Variants in EIF3B observed in about 807,000 individuals in gnomAD.
EIF3B encodes eukaryotic translation initiation factor 3 subunit B.
Under a neutral mutation model 104.6 loss-of-function variants are expected in EIF3B, and 10 were observed. The observed-to-expected ratio is 0.10, with a 90% CI of 0.06 to 0.16. The LOEUF (loss-of-function observed/expected upper bound fraction) is 0.16. Among genes scored for constraint, EIF3B ranks in the 10% least tolerant of loss-of-function variants. The pLI, the probability that EIF3B is intolerant of heterozygous loss-of-function variation, is 1.00. For missense variants in EIF3B, 1,014 were observed against 1,087.9 expected, an observed-to-expected ratio of 0.93 and a Z score of 0.96; for synonymous variants, 542 against 417.2, an observed-to-expected ratio of 1.30 and a Z score of -3.65.
intron 1 of EIF3B, 48 bp downstream of exon 1, chr7:2,355,468 G>A: frequency 7.1e-7 from 1 of 1,402,684 alleles, no homozygotes; most frequent in Non-Finnish European, 9.3e-7. Context: ...GAGCGTGGCT[G>A]GGGTTCCCGA....
At position 2,367,472 on chromosome 7, in the gene EIF3B, G is replaced by A. The variant is rs1362462841; in HGVS notation, c.1403+427G>A. On this transcript the variant is annotated intron_variant, in intron 9 of 18. Transcript: ENST00000360876. ...TTTGCTGTCTCTCCTTTAGCACTCA[G>A]CTTTTTGTTGTTGTTGTTAGAGACA... Among the ~76,000 whole-genome samples, 3 of 152,124 alleles carry A rather than the reference G, an allele frequency of 2.0e-5. No individual in the cohort carries two copies. In the East Asian group the frequency reaches 5.8e-4, roughly 29 times the overall value.
rs2301944 is a variant in EIF3B, at chr7:2,369,400, C to T, written c.1404-72C>T. The T allele has an allele frequency of 0.74, 1,119,205 of 1,508,332 alleles. 418,576 individuals carry two copies. Among genetic ancestry groups the T allele is most frequent in the East Asian group, 0.91 (40,518 of 44,394 alleles). The allele number at this position is 1,508,332 out of a possible 1,614,324, so 93.4% of individuals were successfully genotyped here. On this transcript the variant is annotated intron_variant, in intron 9 of 18. Coordinates refer to ENST00000360876, the MANE Select transcript of EIF3B (RefSeq NM_001037283.2). ...GCTTCTATATAGCAAATGAGTTGTTCTATTCTCTTCTGCTTTTCAGTTTCG... is the reference window on the plus strand; with the variant it reads ...GCTTCTATATAGCAAATGAGTTGTTTTATTCTCTTCTGCTTTTCAGTTTCG...
Position 2,367,052 on chromosome 7 carries a change from ATTC to A in EIF3B, c.1403+10_1403+12del. The A allele has an allele frequency of 6.2e-7, 1 of 1,607,706 alleles. No individual in the cohort carries two copies. The highest frequency in any genetic ancestry group is 8.5e-7 in the Non-Finnish European group (1 of 1,176,964). On this transcript the variant is annotated splice_region_variant and intron_variant, in intron 9 of 18. Coordinates refer to ENST00000360876, the MANE Select transcript of EIF3B (RefSeq NM_001037283.2). ...TGAAGATCTCTGGGATAAAGTGAGT[ATTC>A]TTATCAGTTTGGTGTCTTAGTGTGT...
In EIF3B at chr7:2,356,837, C is replaced by T. The variant is rs139497380; in HGVS notation, c.499+1417C>T. Among the ~76,000 whole-genome samples the T allele has an allele frequency of 3.0e-3, 451 of 151,966 alleles. 2 individuals are homozygous for T. The highest frequency in any genetic ancestry group is 8.1e-3 in the African/African-American group (336 of 41,398). On this transcript the variant is annotated intron_variant, in intron 1 of 18. Transcript: ENST00000360876. ...ATAAAAACGCTGTCAGTTACTGTGA[C>T]CATTACTATATTACACTTTTTTTTT...
chr7:2,367,925 T>C (rs1457160343), intron 9 of EIF3B, among the ~76,000 whole-genome samples: 1 of 138,578 alleles, frequency 7.2e-6, no homozygotes, highest in Non-Finnish European at 1.5e-5. Flanking sequence ...CACTGCAATT[T>C]CCACCTCCTG....
chr7:2,379,706 C>G, intron 18 of EIF3B, 195 bp downstream of exon 18: 1 of 568,724 alleles, frequency 1.8e-6, no homozygotes, highest in Non-Finnish European at 3.2e-6. Context: ...GCCCTCTGAC[C>G]ACATTGCAGA....
chr7:2,358,921 T>TA (rs1470759149), intron 1 of EIF3B, among the ~76,000 whole-genome samples: 1 of 152,126 alleles, frequency 6.6e-6, no homozygotes, highest in Non-Finnish European at 1.5e-5. Flanking sequence ...AAGAAAAAAA[T>TA]ACTGTTATTT....
intron 12 of EIF3B, chr7:2,373,314 C>T (rs553079373): frequency 6.5e-6 from 1 of 153,114 alleles, no homozygotes; most frequent in African/African-American, 2.4e-5. Flanking sequence ...GCCCTCAGCT[C>T]CTCACTTCAT....
At chr7:2,362,544 C>T (rs751592608) in intron 2 of EIF3B, 101 bp from the exon 3 acceptor site, 10 of 1,458,740 alleles carry the variant, frequency 6.9e-6, no homozygotes, top group Admixed American at 1.8e-5. Context: ...CACAGATACT[C>T]CTGGCACCGA....
In EIF3B at chr7:2,363,621, T is replaced by C. The variant is rs777715896; in HGVS notation, c.871-11T>C. 1 of 1,593,046 alleles carries C rather than the reference T, an allele frequency of 6.3e-7. No individual in the cohort carries two copies. Among genetic ancestry groups the C allele is most frequent in the South Asian group, 1.2e-5 (1 of 86,918 alleles). On this transcript the variant is annotated splice_polypyrimidine_tract_variant and intron_variant, in intron 4 of 18. Transcript: ENST00000360876. The stretch of plus-strand genomic sequence containing the variant: ...TAATGAAATGTTATATTCCTTGTCT[T>C]TGTTTTTAAGGGGAACTTACGTTAC...
chr7:2,378,758 G>T lies in EIF3B; in HGVS notation c.2224G>T (p.Ala742Ser). The T allele has an allele frequency of 6.2e-7, 1 of 1,613,770 alleles. No homozygotes were observed. The highest frequency in any genetic ancestry group is 8.5e-7 in the Non-Finnish European group (1 of 1,179,784). Reference sequence around the variant, plus strand: ...GAAGGATCGTTTGAGTCAGTCCAAAGCCTCAAAGGTGAGCCTCATTCCCAA... The same window carrying T: ...GAAGGATCGTTTGAGTCAGTCCAAATCCTCAAAGGTGAGCCTCATTCCCAA... ...EQKDRLSQSK[A>S]SKELVERRRT... Residue 742 changes from alanine to serine, a missense_variant, in exon 16 of 19, where the codon GCC (alanine) becomes TCC (serine). Ala to Ser is a moderately conservative substitution (Grantham distance 99). This residue lies in a region of EIF3B where 266 missense variants were observed against 324.0 expected (regional missense o/e 0.82). Transcript: ENST00000360876.
chr7:2,360,648 C>T (rs1779678494), intron 1 of EIF3B, 62 bp from the exon 2 acceptor site: 7 of 1,340,592 alleles, frequency 5.2e-6, no homozygotes, highest in Non-Finnish European at 6.2e-6. Flanking sequence ...TTAGTGTGCT[C>T]AGTTAATGTA....
In EIF3B at chr7:2,355,174, T is replaced by A; in HGVS notation, c.253T>A (p.Ser85Thr). ...EAASGPSESP[S>T]PPAAEELPGS... is the part of the protein sequence containing the mutation. Reference sequence around the variant, plus strand: ...GGCCTCCGGCCCGTCCGAGTCGCCCTCGCCGCCGGCCGCCGAGGAGCTGCC... The same window carrying A: ...GGCCTCCGGCCCGTCCGAGTCGCCCACGCCGCCGGCCGCCGAGGAGCTGCC... The change falls in exon 1 of 19, where the codon TCG becomes ACG. Residue 85 changes from serine to threonine, a missense_variant. Around this residue, in one of 4 missense-constraint regions of EIF3B, gnomAD observed 488 missense variants for 404.3 expected, o/e 1.21. Coordinates refer to ENST00000360876, the MANE Select transcript of EIF3B (RefSeq NM_001037283.2). The A allele has an allele frequency of 6.8e-7, 1 of 1,461,896 alleles. No individual in the cohort carries two copies. The highest frequency in any genetic ancestry group is 9.0e-7 in the Non-Finnish European group (1 of 1,116,456). 90.6% of individuals were successfully genotyped at this position (1,461,896 alleles called of 1,614,324 possible).
chr7:2,374,046 C>T (rs537465406), intron 12 of EIF3B: 2 of 153,234 alleles, frequency 1.3e-5, no homozygotes, highest in South Asian at 4.1e-4. Flanking sequence ...CCCAGCTGGC[C>T]TTCACTTCTC....
Position 2,380,687 on chromosome 7 carries a change from T to C in EIF3B, c.*498T>C. On this transcript the variant is annotated 3_prime_UTR_variant, in exon 19 of 19. Transcript: ENST00000360876. ...ATGCCTTGTACCCCCACCGTGCAGG[T>C]TGTGGCCGGTTTTCTCCGCAGGTTG... 5.7e-6 allele frequency: 1 copy of C among 176,770 alleles called. No homozygotes were observed. The highest frequency in any genetic ancestry group is 1.2e-5 in the Non-Finnish European group (1 of 81,906). The allele number at this position is 176,770 out of a possible 1,614,324, so 11.0% of individuals were successfully genotyped here. A position where few individuals can be genotyped will look rare whatever the true frequency, so the allele number is the denominator to read the frequency against.
At chr7:2,371,266 G>C (rs556095572) in intron 10 of EIF3B, among the ~76,000 whole-genome samples, 46 of 152,338 alleles carry the variant, frequency 3.0e-4, no homozygotes, top group African/African-American at 9.9e-4. Context: ...CCACGGTGCT[G>C]AGTGTCAGCA....
chr7:2,372,098 T>G (rs979302054), intron 11 of EIF3B: 1 of 452,898 alleles, frequency 2.2e-6, no homozygotes, highest in Non-Finnish European at 4.1e-6. Context: ...TCCCAGCTGT[T>G]TGAGACGCTG....
intron 16 of EIF3B, 63 bp from the exon 17 acceptor site, chr7:2,379,071 G>C: frequency 1.4e-6 from 2 of 1,433,002 alleles, no homozygotes; most frequent in Non-Finnish European, 2.0e-6. Context: ...CTGGGTGTGG[G>C]CTCTTCGCGA....
At chr7:2,354,671 T>C (rs1230394543), upstream of EIF3B, among the ~76,000 whole-genome samples, 1 of 152,132 alleles carries the variant, frequency 6.6e-6, no homozygotes, top group Non-Finnish European at 1.5e-5. Context: ...CCTTGCTGAA[T>C]GGAATTAAGC....
Sources: allele counts gnomAD v4.1 joint callset (sites outside exome capture counted in the v4.1 genomes callset), GRCh38; gene constraint gnomAD v4.1.1; regional missense constraint gnomAD v4.1.1; transcripts MANE v1.5; gene names NCBI Gene and HGNC (gene_info 2026-07-23, HGNC 2026-07-21).